Variants in SUGCT observed in about 807,000 individuals in gnomAD.
The protein encoded by SUGCT is succinyl-CoA:glutarate-CoA transferase.
A neutral mutation model predicts 55.0 loss-of-function variants in SUGCT; 41 were observed. The ratio of observed to expected loss-of-function variants is 0.74; its 90% confidence interval spans 0.58 to 0.97. The LOEUF (loss-of-function observed/expected upper bound fraction) is 0.97. Among genes scored for constraint, SUGCT ranks in the 50% least tolerant of loss-of-function variants. The probability of loss-of-function intolerance (pLI) is 0.00; values close to 1 mark genes in which losing one functional copy is unlikely to be tolerated. For synonymous variants in SUGCT, 187 were observed against 200.4 expected (o/e 0.93, Z 0.56); for missense variants, 568 against 547.8 (o/e 1.04, Z -0.37).
intron 11 of SUGCT, among the ~76,000 whole-genome samples, chr7:40,490,027 C>T (rs1350725737): frequency 6.6e-6 from 1 of 152,212 alleles, no homozygotes; most frequent in Non-Finnish European, 1.5e-5. Flanking sequence ...ATAGCTATTG[C>T]AGCACTAGAA....
chr7:40,185,888 A>G (rs1202740051), intron 3 of SUGCT, among the ~76,000 whole-genome samples: 2 of 152,004 alleles, frequency 1.3e-5, no homozygotes, highest in African/African-American at 2.4e-5. Context: ...ATACATTTTA[A>G]TATTCATATT....
chr7:40,724,280 A>G (rs1188775471), intron 12 of SUGCT, among the ~76,000 whole-genome samples: 1 of 152,216 alleles, frequency 6.6e-6, no homozygotes, highest in Non-Finnish European at 1.5e-5. Flanking sequence ...TCTATGTGGC[A>G]TTCTTGGTCA....
intron 9 of SUGCT, among the ~76,000 whole-genome samples, chr7:40,428,870 T>C (rs1162846138): frequency 6.6e-6 from 1 of 152,222 alleles, no homozygotes; most frequent in East Asian, 1.9e-4. Context: ...TGTCCTTTCC[T>C]TTTACCTTGG....
intron 12 of SUGCT, among the ~76,000 whole-genome samples, chr7:40,738,301 T>C (rs1457955655): frequency 6.6e-6 from 1 of 150,472 alleles, no homozygotes; most frequent in Non-Finnish European, 1.5e-5. Flanking sequence ...CACAGCAAGA[T>C]GGGAATTTTT....
chr7:40,245,423 ATTTTTTTTTTTTTTTTTT>A (rs1168316176), intron 7 of SUGCT, among the ~76,000 whole-genome samples: 20 of 54,570 alleles, frequency 3.7e-4, no homozygotes, highest in African/African-American at 1.5e-3. Flanking sequence ...ATATATATAT[ATTTTTTTTTTTTTTTTTT>A]TTTTTTTTTT....
At chr7:40,233,876 T>A (rs1457041860) in intron 6 of SUGCT, among the ~76,000 whole-genome samples, 2 of 152,194 alleles carry the variant, frequency 1.3e-5, no homozygotes, top group East Asian at 3.9e-4. Context: ...GAAGATTGAA[T>A]GAATTGTCAA....
intron 12 of SUGCT, among the ~76,000 whole-genome samples, chr7:40,616,941 A>C (rs1799033012): frequency 6.6e-6 from 1 of 152,210 alleles, no homozygotes; most frequent in African/African-American, 2.4e-5. Flanking sequence ...GTATCCAATA[A>C]ATTTTTCCAT....
intron 12 of SUGCT, among the ~76,000 whole-genome samples, chr7:40,675,780 G>A (rs1783943712): frequency 6.6e-6 from 1 of 152,174 alleles, no homozygotes; most frequent in African/African-American, 2.4e-5. Context: ...AGACAGAGGT[G>A]TCAGAATGGA....
intron 8 of SUGCT, among the ~76,000 whole-genome samples, chr7:40,298,964 A>C (rs1253315849): frequency 1.3e-5 from 2 of 152,146 alleles, no homozygotes; most frequent in African/African-American, 2.4e-5. Flanking sequence ...CTTGAAATGT[A>C]TGTTACAGTC....
intron 6 of SUGCT, among the ~76,000 whole-genome samples, chr7:40,231,767 T>C (rs955646862): frequency 1.3e-5 from 2 of 152,198 alleles, no homozygotes; most frequent in Non-Finnish European, 2.9e-5. Context: ...CTTAAAAAGC[T>C]TTAGGCAGGA....
chr7:40,431,454 T>A lies in SUGCT; in HGVS notation c.817-17833T>A, dbSNP rs1052046459. ...ATGGTTCCATATGAATTTTAGTATT[T>A]TTTTTCTATTTCTGTGAAGAATGCC... On this transcript the variant is annotated intron_variant, in intron 9 of 13. Coordinates refer to ENST00000335693, the MANE Select transcript of SUGCT (RefSeq NM_001193313.2). 2.0e-5 allele frequency among the ~76,000 whole-genome samples: 3 copies of A among 152,188 alleles called. No homozygotes were observed. In the East Asian group the frequency reaches 5.8e-4, roughly 29 times the overall value.
intron 12 of SUGCT, among the ~76,000 whole-genome samples, chr7:40,624,508 CAT>C (rs1419002802): frequency 2.0e-5 from 3 of 152,126 alleles, no homozygotes; most frequent in African/African-American, 7.2e-5. Context: ...AATGAAAAAG[CAT>C]TAAGCCGATT....
intron 6 of SUGCT, among the ~76,000 whole-genome samples, chr7:40,216,768 A>G (rs1392897872): frequency 2.0e-5 from 3 of 151,892 alleles, no homozygotes; most frequent in African/African-American, 7.3e-5. Context: ...AGACAGGAGA[A>G]TCGCTTGAAC....
intron 9 of SUGCT, among the ~76,000 whole-genome samples, chr7:40,355,056 A>G (rs748950917): frequency 2.0e-5 from 3 of 152,174 alleles, no homozygotes; most frequent in Admixed American, 6.5e-5. Flanking sequence ...ATAGAGTTCC[A>G]TAAAACTCCA....
At chr7:40,525,873 G>A (rs1232596962) in intron 12 of SUGCT, among the ~76,000 whole-genome samples, 1 of 152,172 alleles carries the variant, frequency 6.6e-6, no homozygotes, top group African/African-American at 2.4e-5. Context: ...GAGCAGAGGT[G>A]CAGAAGACGG....
the SUGCT span, among the ~76,000 whole-genome samples, chr7:40,940,490 T>C: frequency 6.6e-6 from 1 of 152,218 alleles, no homozygotes. Context: ...ATTTTCATGA[T>C]ATTGATTCTT....
intron 1 of SUGCT, among the ~76,000 whole-genome samples, chr7:40,139,638 T>C (rs1251558712): frequency 1.3e-5 from 2 of 152,238 alleles, no homozygotes; most frequent in African/African-American, 4.8e-5. Context: ...TAGTCCCCTG[T>C]TGGATATGTA....
the SUGCT span, among the ~76,000 whole-genome samples, chr7:40,974,706 A>G: frequency 6.6e-6 from 1 of 152,212 alleles, no homozygotes; most frequent in Admixed American, 6.5e-5. Context: ...GACATGTTAC[A>G]TGTGCCCAAG....
chr7:40,377,857 T>C (rs182460614), intron 9 of SUGCT, among the ~76,000 whole-genome samples: 41 of 152,306 alleles, frequency 2.7e-4, no homozygotes, highest in African/African-American at 9.4e-4. Context: ...GTAGAATTCT[T>C]GGTATATGTT....
Sources: gnomAD v4.1 joint callset for allele counts (sites outside exome capture counted in the v4.1 genomes callset) on GRCh38, gnomAD v4.1.1 for gene constraint, MANE v1.5 for transcripts, NCBI Gene and HGNC (gene_info 2026-07-23, HGNC 2026-07-21) for gene names.